The following CSGALNACT1 variants were observed in gnomAD, a reference collection of about 807,000 sequenced individuals.
The protein encoded by CSGALNACT1 is chondroitin sulfate N-acetylgalactosaminyltransferase 1, also known as beta4GalNAcT-1.
Under a neutral mutation model 51.0 loss-of-function variants are expected in CSGALNACT1, and 52 were observed. The observed-to-expected ratio is 1.02, with a 90% CI of 0.82 to 1.29. CSGALNACT1 has a LOEUF of 1.29. CSGALNACT1 is among the 50% of genes most tolerant of loss of function. The pLI, the probability that CSGALNACT1 is intolerant of heterozygous loss-of-function variation, is 0.00. For synonymous variants in CSGALNACT1, 341 were observed against 254.4 expected (o/e 1.34, Z -3.24); for missense variants, 935 against 679.2 (o/e 1.38, Z -4.19).
chr8:19,647,233 T>G lies in CSGALNACT1; in HGVS notation c.-544+35240A>C, dbSNP rs1203517951. Among the ~76,000 whole-genome samples, 3 of 152,170 alleles carry G rather than the reference T, an allele frequency of 2.0e-5. No individual in the cohort carries two copies. The East Asian group carries it at 5.8e-4, about 29-fold the overall frequency. On this transcript the variant is annotated intron_variant, in intron 1 of 9. Coordinates refer to the CSGALNACT1 transcript ENST00000332246. ...CACCTGCTATCCAACAAGTATTTCC[T>G]GATTTTATACCCCAGTGACTAAAAA...
chr8:19,672,222 T>C (rs933306692), intron 1 of CSGALNACT1, among the ~76,000 whole-genome samples: 2 of 152,200 alleles, frequency 1.3e-5, no homozygotes, highest in Non-Finnish European at 2.9e-5. Context: ...GGCTTTCCCA[T>C]CTCTCCATCA....
At chr8:19,405,055 A>G (rs2053879797) in exon 10 of CSGALNACT1, 1 of 453,178 alleles carries the variant, frequency 2.2e-6, no homozygotes, top group East Asian at 6.9e-5. Flanking sequence ...TATCTTCTTA[A>G]AAAATATAAA....
At chr8:19,627,876 C>T (rs1589130230) in intron 1 of CSGALNACT1, among the ~76,000 whole-genome samples, 1 of 152,086 alleles carries the variant, frequency 6.6e-6, no homozygotes, top group East Asian at 1.9e-4. Flanking sequence ...TGAATACAGT[C>T]AGTAGTTCAG....
intron 4 of CSGALNACT1, among the ~76,000 whole-genome samples, chr8:19,477,147 T>C (rs950474740): frequency 1.3e-5 from 2 of 152,248 alleles, no homozygotes; most frequent in African/African-American, 2.4e-5. Flanking sequence ...AAATATGCTA[T>C]GCTGTCCATC....
chr8:19,628,718 C>G (rs1011164660), intron 1 of CSGALNACT1, among the ~76,000 whole-genome samples: 1 of 151,776 alleles, frequency 6.6e-6, no homozygotes, highest in East Asian at 1.9e-4. Flanking sequence ...CTGGCTCAAG[C>G]AATCTCTTCG....
chr8:19,443,199 T>C (rs1211910804), intron 5 of CSGALNACT1, among the ~76,000 whole-genome samples: 1 of 152,232 alleles, frequency 6.6e-6, no homozygotes, highest in African/African-American at 2.4e-5. Flanking sequence ...GGGAAGGTCC[T>C]CTGCTGACGG....
At chr8:19,507,528 G>GAAAAAAAAAAAAAAAAAA (rs35759799) in intron 3 of CSGALNACT1, among the ~76,000 whole-genome samples, 2 of 74,890 alleles carry the variant, frequency 2.7e-5, no homozygotes, top group Non-Finnish European at 4.9e-5. Context: ...ATCTTAGCCA[G>GAAAAAAAAAAAAAAAAAA]AAAAAAAAAA....
intron 3 of CSGALNACT1, among the ~76,000 whole-genome samples, chr8:19,569,098 G>T (rs114502773): frequency 6.6e-6 from 1 of 152,242 alleles, no homozygotes; most frequent in Non-Finnish European, 1.5e-5. Context: ...GAAAAGAAAT[G>T]AGAGAGCTTT....
chr8:19,500,994 A>T (rs2076319604), intron 4 of CSGALNACT1, among the ~76,000 whole-genome samples: 2 of 152,172 alleles, frequency 1.3e-5, no homozygotes, highest in African/African-American at 4.8e-5. Flanking sequence ...TCACGCCTGT[A>T]ATCCCAGCAC....
At chr8:19,422,836 G>T (rs55842942) in intron 6 of CSGALNACT1, among the ~76,000 whole-genome samples, 1 of 152,172 alleles carries the variant, frequency 6.6e-6, no homozygotes, top group South Asian at 2.1e-4. Flanking sequence ...ACCCATGGGA[G>T]ATGCCTGGAT....
At chr8:19,406,058 G>C (rs769525948) in exon 10 of CSGALNACT1, 1 of 1,614,188 alleles carries the variant, frequency 6.2e-7, no homozygotes, top group Non-Finnish European at 8.5e-7. Flanking sequence ...TTGATGTCCA[G>C]ATCAAACCCA....
intron 1 of CSGALNACT1, among the ~76,000 whole-genome samples, chr8:19,675,777 T>A (rs996747239): frequency 1.3e-5 from 2 of 152,124 alleles, no homozygotes; most frequent in African/African-American, 4.8e-5. Context: ...TGTAAGCCAC[T>A]GTGCCCTGCG....
chr8:19,508,722 A>T (rs997228092), intron 3 of CSGALNACT1, among the ~76,000 whole-genome samples: 2 of 152,252 alleles, frequency 1.3e-5, no homozygotes, highest in Non-Finnish European at 2.9e-5. Flanking sequence ...TGGAGTAGTC[A>T]ACACATTTTG....
chr8:19,438,418 G>T (rs1261266750), intron 6 of CSGALNACT1, among the ~76,000 whole-genome samples: 1 of 152,214 alleles, frequency 6.6e-6, no homozygotes, highest in Non-Finnish European at 1.5e-5. Flanking sequence ...GCAGAGGTGA[G>T]AACATTTGTA....
intron 1 of CSGALNACT1, among the ~76,000 whole-genome samples, chr8:19,662,219 A>T (rs2058824698): frequency 6.6e-6 from 1 of 151,474 alleles, no homozygotes; most frequent in Admixed American, 6.6e-5. Flanking sequence ...CCCCATCTCC[A>T]CTACAAATAC....
At chr8:19,681,734 G>A (rs950241657) in intron 1 of CSGALNACT1, among the ~76,000 whole-genome samples, 2 of 152,050 alleles carry the variant, frequency 1.3e-5, no homozygotes, top group Non-Finnish European at 2.9e-5. Flanking sequence ...TCCCATCTCT[G>A]TCCCCTGCCC....
intron 1 of CSGALNACT1, among the ~76,000 whole-genome samples, chr8:19,640,549 A>C (rs1283401163): frequency 6.6e-6 from 1 of 152,238 alleles, no homozygotes; most frequent in Non-Finnish European, 1.5e-5. Context: ...ACTTGGACTC[A>C]AACTCAAAAT....
intron 3 of CSGALNACT1, among the ~76,000 whole-genome samples, chr8:19,552,056 T>C (rs2088254807): frequency 6.6e-6 from 1 of 152,128 alleles, no homozygotes; most frequent in Admixed American, 6.5e-5. Flanking sequence ...CAAATCATAA[T>C]TTATAAATGA....
intron 1 of CSGALNACT1, among the ~76,000 whole-genome samples, chr8:19,608,142 T>G (rs2051660795): frequency 6.6e-6 from 1 of 152,196 alleles, no homozygotes; most frequent in Non-Finnish European, 1.5e-5. Context: ...CTGGCTGAGT[T>G]AGGCAGGCAC....
Sources: gnomAD v4.1 joint callset for allele counts (sites outside exome capture counted in the v4.1 genomes callset) on GRCh38, gnomAD v4.1.1 for gene constraint, MANE v1.5 for transcripts, NCBI Gene and HGNC (gene_info 2026-07-23, HGNC 2026-07-21) for gene names.